H2BC4: variants seen among roughly 807,000 people sequenced by gnomAD.
H2BC4 encodes H2B clustered histone 4.
In H2BC4, 10 loss-of-function variants were observed where a neutral mutation model predicts 6.2. The ratio of observed to expected loss-of-function variants is 1.61; its 90% confidence interval spans 0.99 to 2.73. The LOEUF (loss-of-function observed/expected upper bound fraction) is 2.73. Ranked by LOEUF, H2BC4 falls within the 30% of genes most tolerant of loss-of-function variation. The pLI, the probability that H2BC4 is intolerant of heterozygous loss-of-function variation, is 0.00. For synonymous variants in H2BC4, 146 were observed against 70.7 expected (o/e 2.07, Z -5.35); for missense variants, 176 against 168.7 (o/e 1.04, Z -0.24).
chr6:26,116,623 C>T (rs1033037918), intron 1 of H2BC4, among the ~76,000 whole-genome samples: 3 of 152,072 alleles, frequency 2.0e-5, no homozygotes, highest in Non-Finnish European at 2.9e-5. Flanking sequence ...TGGCTTCAGC[C>T]CAGAAGGTGG....
At chr6:26,122,346 T>C (rs1275452844), downstream of H2BC4, among the ~76,000 whole-genome samples, 2 of 152,222 alleles carry the variant, frequency 1.3e-5, no homozygotes, top group African/African-American at 4.8e-5. Context: ...ATTTATTGTA[T>C]ATTCCCGGTT....
chr6:26,123,376 T>G (rs1763536829), downstream of H2BC4: 2 of 1,366,018 alleles, frequency 1.5e-6, no homozygotes, highest in African/African-American at 1.5e-5. Flanking sequence ...CTGCAACACT[T>G]GTCCCCACCC....
At chr6:26,114,179 C>T (rs1362104452), downstream of H2BC4, among the ~76,000 whole-genome samples, 1 of 152,054 alleles carries the variant, frequency 6.6e-6, no homozygotes, top group Non-Finnish European at 1.5e-5. Context: ...AGTTTAGTAT[C>T]CCTTCAGAGT....
downstream of H2BC4, among the ~76,000 whole-genome samples, chr6:26,120,481 G>A (rs1442330302): frequency 6.6e-6 from 1 of 151,720 alleles, no homozygotes; most frequent in Non-Finnish European, 1.5e-5. Flanking sequence ...CAATCTTATT[G>A]CCAATTAGGA....
intron 1 of H2BC4, among the ~76,000 whole-genome samples, chr6:26,116,687 A>G (rs1763426246): frequency 1.3e-5 from 2 of 152,180 alleles, no homozygotes; most frequent in South Asian, 4.1e-4. Context: ...CAGCCTGGGC[A>G]ACAAAGTGAG....
chr6:26,123,598 G>T lies in H2BC4; in HGVS notation c.307C>A (p.Leu103Ile). The change falls in exon 1 of 1, where the codon CTT becomes ATT. Residue 103 changes from leucine (L) to isoleucine (I), a missense_variant. Coordinates refer to ENST00000396984, the MANE Select transcript of H2BC4 (RefSeq NM_003526.3). ...GCGTGCTTGGCCAGCTCTCCGGGAA[G>T]CAGCAGGCGCACGGCCGTCTGGATC... ...REIQTAVRLL[L>I]PGELAKHAVS... 2 of 1,614,280 alleles carry T rather than the reference G, an allele frequency of 1.2e-6. No individual in the cohort carries two copies. Among genetic ancestry groups the T allele is most frequent in the Non-Finnish European group, 1.7e-6 (2 of 1,180,048 alleles).
chr6:26,119,059 G>C (rs951006591), downstream of H2BC4, among the ~76,000 whole-genome samples: 8 of 151,728 alleles, frequency 5.3e-5, no homozygotes, highest in Admixed American at 5.3e-4. Context: ...TCATTATCTC[G>C]AATGCTTACT....
At chr6:26,116,230 T>A (rs754755715) in intron 1 of H2BC4, among the ~76,000 whole-genome samples, 2 of 152,176 alleles carry the variant, frequency 1.3e-5, no homozygotes, top group Non-Finnish European at 2.9e-5. Context: ...TTTACCCTTC[T>A]GAGCCAGCAG....
At chr6:26,120,432 G>C (rs1020803662), downstream of H2BC4, among the ~76,000 whole-genome samples, 7 of 149,346 alleles carry the variant, frequency 4.7e-5, no homozygotes, top group African/African-American at 1.7e-4. Flanking sequence ...CTGGGCCACA[G>C]AGCAAAATTC....
At chr6:26,117,531 C>T (rs946129416) in intron 1 of H2BC4, among the ~76,000 whole-genome samples, 1 of 152,136 alleles carries the variant, frequency 6.6e-6, no homozygotes, top group Non-Finnish European at 1.5e-5. Flanking sequence ...CAGTGCTGTG[C>T]AGCCATTTTA....
At chr6:26,123,136 G>A (rs1000511689), downstream of H2BC4, among the ~76,000 whole-genome samples, 14 of 152,318 alleles carry the variant, frequency 9.2e-5, no homozygotes, top group South Asian at 2.1e-4. Context: ...CTATTGGCTA[G>A]AAGCTGGTGG....
downstream of H2BC4, chr6:26,123,384 C>G (rs547345212): frequency 1.4e-6 from 2 of 1,401,826 alleles, no homozygotes; most frequent in African/African-American, 1.4e-5. Context: ...CTTGTCCCCA[C>G]CCCTCTCCAG....
chr6:26,117,269 G>T (rs1484877738), intron 1 of H2BC4, among the ~76,000 whole-genome samples: 1 of 152,178 alleles, frequency 6.6e-6, no homozygotes, highest in African/African-American at 2.4e-5. Context: ...CCTTTTAGGA[G>T]CGTAAAGATG....
chr6:26,119,218 A>T (rs1361106345), downstream of H2BC4, among the ~76,000 whole-genome samples: 1 of 152,152 alleles, frequency 6.6e-6, no homozygotes, highest in African/African-American at 2.4e-5. Flanking sequence ...CTACGCCCAC[A>T]CGTATACAGT....
Position 26,123,516 on chromosome 6 carries a change from T to G in H2BC4, c.*8A>C. On this transcript the variant is annotated 3_prime_UTR_variant, in exon 1 of 1. Coordinates refer to ENST00000396984, the MANE Select transcript of H2BC4 (RefSeq NM_003526.3). ...GGGGTTAGGTGTTAAGACGCTTACTTGGAATGTTTACTTGGAGCTGGTGTA... is the reference window on the plus strand; with the variant it reads ...GGGGTTAGGTGTTAAGACGCTTACTGGGAATGTTTACTTGGAGCTGGTGTA... The G allele has an allele frequency of 6.2e-7, 1 of 1,614,186 alleles. No homozygotes were observed. Among genetic ancestry groups the G allele is most frequent in the Admixed American group, 1.7e-5 (1 of 60,026 alleles).
intron 1 of H2BC4, among the ~76,000 whole-genome samples, chr6:26,116,563 G>A (rs1326735054): frequency 6.6e-6 from 1 of 152,022 alleles, no homozygotes; most frequent in African/African-American, 2.4e-5. Flanking sequence ...TTGGCATGGT[G>A]GTGTGCACCT....
Position 26,123,817 on chromosome 6 carries a change from G to A in H2BC4, c.88C>T (p.Arg30Cys), listed in dbSNP as rs1453237688. ...TAACTCTCCTTGCGGCTGCGCTTGC[G>A]CTTCTTGCCATCTTTCTTCTGCGCT... Reference protein sequence around the residue: ...TKAQKKDGKKRKRSRKESYSV... With the variant: ...TKAQKKDGKKCKRSRKESYSV... The change falls in exon 1 of 1, where the codon CGC (arginine) becomes TGC (cysteine). Residue 30 changes from arginine to cysteine, a missense_variant. Coordinates refer to ENST00000396984, the MANE Select transcript of H2BC4 (RefSeq NM_003526.3). The A allele has an allele frequency of 1.2e-6, 2 of 1,614,242 alleles. No individual in the cohort carries two copies. The highest frequency in any genetic ancestry group is 1.7e-6 in the Non-Finnish European group (2 of 1,180,046).
rs1430509079 is a variant in H2BC4 at position 26,123,800 on chromosome 6, C to T, written c.105G>A (p.Lys35=). Residue 35 remains lysine (K), a synonymous_variant, in exon 1 of 1, where the codon AAG becomes AAA. Transcript: ENST00000396984. The part of the protein sequence containing the change: ...KDGKKRKRSR[K]ESYSVYVYKV... ...TGTACACGTACACAGAGTAACTCTC[C>T]TTGCGGCTGCGCTTGCGCTTCTTGC... 6.2e-7 allele frequency: 1 copy of T among 1,614,258 alleles called. No homozygotes were observed. Among genetic ancestry groups the T allele is most frequent in the Admixed American group, 1.7e-5 (1 of 60,034 alleles).
chr6:26,117,327 G>A (rs1383880775), intron 1 of H2BC4, among the ~76,000 whole-genome samples: 2 of 152,178 alleles, frequency 1.3e-5, no homozygotes, highest in African/African-American at 4.8e-5. Flanking sequence ...TGGTTTATAT[G>A]CATTAAGGAT....
Sources: allele counts gnomAD v4.1 joint callset (sites outside exome capture counted in the v4.1 genomes callset), GRCh38; gene constraint gnomAD v4.1.1; transcripts MANE v1.5; gene names NCBI Gene and HGNC (gene_info 2026-07-23, HGNC 2026-07-21).